Variants in SGCD observed in about 807,000 individuals in gnomAD.
SGCD encodes delta-sarcoglycan.
A neutral mutation model predicts 36.6 loss-of-function variants in SGCD; 18 were observed. The observed-to-expected ratio is 0.49, with a 90% CI of 0.34 to 0.73. The LOEUF is 0.73. Ranked by LOEUF, SGCD falls within the 30% of genes least tolerant of loss-of-function variation. The probability of loss-of-function intolerance (pLI) is 0.01; values close to 1 mark genes in which losing one functional copy is unlikely to be tolerated. For missense variants in SGCD, 387 were observed against 346.7 expected (o/e 1.12, Z -0.92); for synonymous variants, 133 against 130.6 (o/e 1.02, Z -0.12).
intron 3 of SGCD, among the ~76,000 whole-genome samples, chr5:156,284,510 G>A (rs1359396535): frequency 6.6e-6 from 1 of 152,126 alleles, no homozygotes; most frequent in Non-Finnish European, 1.5e-5. Flanking sequence ...GTGCAAGGCT[G>A]GTTCAACATA....
intron 4 of SGCD, among the ~76,000 whole-genome samples, chr5:156,536,592 T>C (rs1171253765): frequency 9.5e-6 from 1 of 105,806 alleles, no homozygotes; most frequent in Non-Finnish European, 2.2e-5. Flanking sequence ...CTTTGAGGTG[T>C]TTGTTTGTTT....
At chr5:156,524,346 A>G (rs894009104) in intron 4 of SGCD, among the ~76,000 whole-genome samples, 1 of 146,820 alleles carries the variant, frequency 6.8e-6, no homozygotes, top group African/African-American at 2.5e-5. Flanking sequence ...ATTTCATAGG[A>G]TTAATATTCA....
intron 1 of SGCD, among the ~76,000 whole-genome samples, chr5:156,116,128 T>C (rs1241490536): frequency 6.6e-6 from 1 of 152,136 alleles, no homozygotes; most frequent in African/African-American, 2.4e-5. Flanking sequence ...TATTTGATTA[T>C]AGACCACAAA....
At chr5:156,652,776 G>A (rs1763510842) in intron 7 of SGCD, among the ~76,000 whole-genome samples, 1 of 151,754 alleles carries the variant, frequency 6.6e-6, no homozygotes, top group African/African-American at 2.4e-5. Context: ...CTAGTTTTTT[G>A]GGTTTTTTTT....
chr5:155,842,521 T>A, the SGCD span, among the ~76,000 whole-genome samples: 4 of 151,810 alleles, frequency 2.6e-5, no homozygotes, highest in African/African-American at 4.8e-5. Flanking sequence ...TGCAGTGAGC[T>A]GAGATCGTGC....
intron 3 of SGCD, among the ~76,000 whole-genome samples, chr5:156,191,919 G>GCAAAAA (rs1364427759): frequency 6.6e-6 from 1 of 152,034 alleles, no homozygotes; most frequent in Admixed American, 6.6e-5. Flanking sequence ...CTGTTGAAAA[G>GCAAAAA]CAAAAACAAA....
In SGCD at chr5:156,065,408, T is replaced by C. The variant is rs1289497090; in HGVS notation, c.-281-52470T>C. On this transcript the variant is annotated intron_variant, in intron 1 of 9. Transcript: ENST00000517913. ...GGTGTGGTGCTGAGAAGAATGTATATTCTGTTGATTTGGGGTGGAGAGTTC... is the reference window on the plus strand; with the variant it reads ...GGTGTGGTGCTGAGAAGAATGTATACTCTGTTGATTTGGGGTGGAGAGTTC... Among the ~76,000 whole-genome samples the C allele has an allele frequency of 1.3e-4, 16 of 125,936 alleles. 1 individual carries two copies. Among genetic ancestry groups the C allele is most frequent in the Non-Finnish European group, 2.5e-4 (15 of 61,080 alleles). The allele number at this position is 125,936 out of a possible 152,430, so 82.6% of individuals were successfully genotyped here.
chr5:156,398,539 C>T (rs1009956131), intron 3 of SGCD, among the ~76,000 whole-genome samples: 2 of 152,112 alleles, frequency 1.3e-5, no homozygotes, highest in African/African-American at 4.8e-5. Context: ...GGCTATTCAC[C>T]AAAATAATAG....
intron 3 of SGCD, among the ~76,000 whole-genome samples, chr5:156,218,280 G>T (rs898882091): frequency 1.3e-5 from 2 of 151,846 alleles, no homozygotes; most frequent in African/African-American, 2.4e-5. Context: ...TAAAATAAAA[G>T]TATGTTTTGA....
intron 3 of SGCD, among the ~76,000 whole-genome samples, chr5:156,241,667 G>A (rs1345005171): frequency 6.6e-6 from 1 of 151,974 alleles, no homozygotes; most frequent in Non-Finnish European, 1.5e-5. Flanking sequence ...TTCAACAATT[G>A]CTAGATTAGG....
intron 3 of SGCD, among the ~76,000 whole-genome samples, chr5:156,489,385 T>G (rs1755841101): frequency 1.3e-5 from 2 of 152,118 alleles, no homozygotes; most frequent in Admixed American, 6.5e-5. Context: ...ACCCAACAGA[T>G]GTTTACAGAA....
intron 1 of SGCD, among the ~76,000 whole-genome samples, chr5:155,968,893 T>C (rs181222531): frequency 6.6e-6 from 1 of 152,230 alleles, no homozygotes. Flanking sequence ...CAATATATAG[T>C]TTTGTTTTGT....
chr5:156,492,777 T>A (rs1191199519), intron 3 of SGCD, among the ~76,000 whole-genome samples: 1 of 152,136 alleles, frequency 6.6e-6, no homozygotes, highest in Non-Finnish European at 1.5e-5. Flanking sequence ...TGTGTTCTCA[T>A]TGTTCAACTC....
At chr5:156,646,935 A>G (rs939196053) in intron 6 of SGCD, among the ~76,000 whole-genome samples, 3 of 152,196 alleles carry the variant, frequency 2.0e-5, no homozygotes, top group Non-Finnish European at 4.4e-5. Context: ...ATGATCTCTT[A>G]TAGTGTTCTA....
intron 3 of SGCD, among the ~76,000 whole-genome samples, chr5:156,378,794 A>G (rs1481759079): frequency 1.3e-5 from 2 of 152,322 alleles, no homozygotes; most frequent in East Asian, 3.9e-4. Context: ...TCAGCTTACC[A>G]ACAGTGAATA....
intron 1 of SGCD, among the ~76,000 whole-genome samples, chr5:156,101,939 TGTGAGAGA>T (rs1202836339): frequency 2.7e-5 from 4 of 147,824 alleles, no homozygotes; most frequent in East Asian, 2.0e-4. Flanking sequence ...TGTGTGTGTG[TGTGAGAGA>T]GAGAGAGAGA....
intron 4 of SGCD, among the ~76,000 whole-genome samples, chr5:156,521,637 C>T (rs1239895009): frequency 6.6e-6 from 1 of 152,084 alleles, no homozygotes. Context: ...AAATCAAATC[C>T]ACAATGAGAT....
chr5:155,751,154 C>T, the SGCD span, among the ~76,000 whole-genome samples: 1 of 152,066 alleles, frequency 6.6e-6, no homozygotes, highest in Non-Finnish European at 1.5e-5. Context: ...AAGTGAGTAA[C>T]GGATGCATTT....
chr5:155,854,219 G>A, the SGCD span, among the ~76,000 whole-genome samples: 2 of 152,034 alleles, frequency 1.3e-5, no homozygotes. Flanking sequence ...CAGCATCTCT[G>A]GTTTTTACTC....
Sources: gnomAD v4.1 joint callset for allele counts (sites outside exome capture counted in the v4.1 genomes callset) on GRCh38, gnomAD v4.1.1 for gene constraint, MANE v1.5 for transcripts, NCBI Gene and HGNC (gene_info 2026-07-23, HGNC 2026-07-21) for gene names.